ALMS1: variants seen among roughly 807,000 people sequenced by gnomAD.
ALMS1 encodes the protein ALMS1 centrosome and basal body associated protein, also known as centrosome-associated protein ALMS1.
ALMS1 carries 271 observed loss-of-function variants against 352.2 expected under a neutral mutation model. The ratio of observed to expected loss-of-function variants is 0.77; its 90% CI spans 0.70 to 0.85. ALMS1 has a LOEUF of 0.85. ALMS1 is among the 40% of genes least tolerant of loss of function. The pLI is 0.00. For missense variants in ALMS1, 5,445 were observed against 4,870.7 expected (o/e 1.12, Z -3.51); for synonymous variants, 1,865 against 1,761.2 (o/e 1.06, Z -1.48).
intron 1 of ALMS1, among the ~76,000 whole-genome samples, chr2:73,405,321 G>T (rs1276780434): frequency 6.6e-6 from 1 of 152,132 alleles, no homozygotes; most frequent in East Asian, 1.9e-4. Flanking sequence ...GGTAGGCTGT[G>T]TGTTTCTAGG....
intron 9 of ALMS1, among the ~76,000 whole-genome samples, chr2:73,481,203 G>C (rs1256938961): frequency 6.6e-6 from 1 of 152,144 alleles, no homozygotes; most frequent in Non-Finnish European, 1.5e-5. Context: ...GGTTTTTATG[G>C]TTTTCAGTCT....
chr2:73,543,011 C>T lies in ALMS1; in HGVS notation c.9908-7256C>T, dbSNP rs940573326. Among the ~76,000 whole-genome samples, 9 of 152,122 alleles carry T rather than the reference C, an allele frequency of 5.9e-5. No individual in the cohort carries two copies. The South Asian group carries it at 8.3e-4, about 14-fold the overall frequency. On this transcript the variant is annotated intron_variant, in intron 12 of 22. Transcript: ENST00000613296. ...ACTTTCTTCACAGAATTGGAAAAAACGACTTTTAAAGTTCATATGGAACAA... is the reference window on the plus strand; with the variant it reads ...ACTTTCTTCACAGAATTGGAAAAAATGACTTTTAAAGTTCATATGGAACAA...
At chr2:73,537,862 C>G (rs1157236432) in intron 12 of ALMS1, among the ~76,000 whole-genome samples, 1 of 151,976 alleles carries the variant, frequency 6.6e-6, no homozygotes, top group Non-Finnish European at 1.5e-5. Flanking sequence ...AAAAATCAGC[C>G]AAGCATGATG....
chr2:73,506,038 T>C (rs1003428925), intron 10 of ALMS1, among the ~76,000 whole-genome samples: 3 of 152,216 alleles, frequency 2.0e-5, no homozygotes, highest in Non-Finnish European at 1.5e-5. Flanking sequence ...GCACTATTTA[T>C]TAAATAGGGA....
At chr2:73,405,431 T>G (rs1033326286) in intron 1 of ALMS1, among the ~76,000 whole-genome samples, 8 of 152,250 alleles carry the variant, frequency 5.3e-5, no homozygotes, top group Middle Eastern at 3.4e-3. Flanking sequence ...GGTTGTCATG[T>G]CCCCTCTTTC....
chr2:73,563,741 T>TA (rs1674717170), intron 15 of ALMS1, among the ~76,000 whole-genome samples: 1 of 45,854 alleles, frequency 2.2e-5, no homozygotes, highest in African/African-American at 2.9e-4. Flanking sequence ...AAAAAAAAAA[T>TA]AAAAATAAAA....
chr2:73,584,690 G>A (rs557797645), intron 16 of ALMS1, among the ~76,000 whole-genome samples: 2 of 152,294 alleles, frequency 1.3e-5, no homozygotes, highest in East Asian at 3.9e-4. Context: ...ACATGGATAA[G>A]TTGTTTACTG....
intron 9 of ALMS1, among the ~76,000 whole-genome samples, chr2:73,464,535 C>T (rs961327819): frequency 6.6e-6 from 1 of 152,186 alleles, no homozygotes; most frequent in South Asian, 2.1e-4. Context: ...AAAACAGGCA[C>T]AAGACAGGGG....
rs776252149 is a variant in ALMS1, at chr2:73,426,579, T to TA, written c.1338+28dup. On this transcript the variant is annotated intron_variant, in intron 6 of 22. Transcript: ENST00000613296. ...GTGAGACACAATAAAATGATAGTTGTAAGAAACGTGGCCTTTTTCAGTATT... is the reference window on the plus strand; with the variant it reads ...GTGAGACACAATAAAATGATAGTTGTAAAGAAACGTGGCCTTTTTCAGTATT... 9.3e-6 allele frequency: 15 copies of TA among 1,604,592 alleles called. No homozygotes were observed. The African/African-American group carries it at 1.1e-4, about 11-fold the overall frequency.
At chr2:73,466,887 A>G (rs900147768) in intron 9 of ALMS1, among the ~76,000 whole-genome samples, 9 of 152,042 alleles carry the variant, frequency 5.9e-5, no homozygotes, top group Admixed American at 5.9e-4. Flanking sequence ...AATGGAGTTA[A>G]TTTTTTCCAA....
At chr2:73,563,079 A>T (rs936902325) in intron 15 of ALMS1, among the ~76,000 whole-genome samples, 1 of 151,650 alleles carries the variant, frequency 6.6e-6, no homozygotes, top group Admixed American at 6.6e-5. Flanking sequence ...ATATAAGTAA[A>T]CTAAATTCAC....
Position 73,453,545 on chromosome 2 carries a change from A to G in ALMS1, c.7018A>G (p.Thr2340Ala). ...CATACAGAAGGATATTGGCACACAG[A>G]CGAATTTGAAATGCCGGAGAGGCAT... ...RCIQKDIGTQ[T>A]NLKCRRGIEN... The change falls in exon 8 of 23, where the codon ACG becomes GCG. Residue 2340 changes from threonine to alanine, a missense_variant. Physicochemically the swap from Thr to Ala is moderately conservative, Grantham distance 58 (BLOSUM62 0). Coordinates refer to ENST00000613296, the MANE Select transcript of ALMS1 (RefSeq NM_001378454.1). 6.2e-7 allele frequency: 1 copy of G among 1,613,826 alleles called. No individual in the cohort carries two copies. The highest frequency in any genetic ancestry group is 8.5e-7 in the Non-Finnish European group (1 of 1,179,972).
chr2:73,527,517 T>C (rs1673817420), intron 11 of ALMS1, among the ~76,000 whole-genome samples: 1 of 152,052 alleles, frequency 6.6e-6, no homozygotes. Flanking sequence ...TAGGAATTTG[T>C]CCATTTTTTT....
At chr2:73,485,642 C>A (rs1672819815) in intron 9 of ALMS1, among the ~76,000 whole-genome samples, 1 of 152,202 alleles carries the variant, frequency 6.6e-6, no homozygotes, top group African/African-American at 2.4e-5. Context: ...CCTAAGCAAG[C>A]CTGGGCAATG....
chr2:73,458,623 T>A (rs556671927), intron 9 of ALMS1: 1 of 152,324 alleles, frequency 6.6e-6, no homozygotes, highest in South Asian at 2.1e-4. Flanking sequence ...ATTAAATATC[T>A]GAGTAAGGTG....
In ALMS1 at chr2:73,450,390, A is replaced by G. The variant is rs1330115466; in HGVS notation, c.3863A>G (p.Gln1288Arg). The stretch of plus-strand genomic sequence containing the variant: ...GCTGTAACCTCTACTTCCTACTCAC[A>G]ATATAGAGAGAAGCCCAGCATTTTC... ...TPAVTSTSYS[Q>R]YREKPSIFYQ... Residue 1288 changes from glutamine to arginine, a missense_variant, in exon 8 of 23, where the codon CAA becomes CGA. Physicochemically the swap from Gln to Arg is conservative, Grantham distance 43. Transcript: ENST00000613296. 1 of 1,613,000 alleles carries G rather than the reference A, an allele frequency of 6.2e-7. No individual in the cohort carries two copies. Among genetic ancestry groups the G allele is most frequent in the Non-Finnish European group, 8.5e-7 (1 of 1,179,768 alleles).
chr2:73,544,371 G>A (rs1168367642), intron 12 of ALMS1, among the ~76,000 whole-genome samples: 4 of 152,118 alleles, frequency 2.6e-5, no homozygotes, highest in East Asian at 1.9e-4. Flanking sequence ...GTTGTGGGGT[G>A]GGGGAAGCGG....
chr2:73,392,819 G>A (rs920654117), intron 1 of ALMS1, among the ~76,000 whole-genome samples: 2 of 152,096 alleles, frequency 1.3e-5, no homozygotes, highest in Non-Finnish European at 2.9e-5. Context: ...TCTTATATAA[G>A]TGTATGTGTG....
intron 10 of ALMS1, among the ~76,000 whole-genome samples, chr2:73,511,323 C>T (rs1673446921): frequency 6.6e-6 from 1 of 151,970 alleles, no homozygotes; most frequent in Non-Finnish European, 1.5e-5. Flanking sequence ...GGTATAGGCA[C>T]CCAAGGGAAT....
Sources: gnomAD v4.1 joint callset for allele counts (sites outside exome capture counted in the v4.1 genomes callset) on GRCh38, gnomAD v4.1.1 for gene constraint, MANE v1.5 for transcripts, NCBI Gene and HGNC (gene_info 2026-07-23, HGNC 2026-07-21) for gene names.